Variants in SVEP1 observed in about 807,000 individuals in gnomAD.
SVEP1 encodes the protein sushi, von Willebrand factor type A, EGF and pentraxin domain-containing protein 1.
Under a neutral mutation model 367.3 loss-of-function variants are expected in SVEP1, and 164 were observed. That is an observed-to-expected ratio of 0.45 (90% CI 0.39 to 0.51). The LOEUF (loss-of-function observed/expected upper bound fraction) is 0.51, where lower values mean the gene tolerates loss of function less well. Ranked by LOEUF, SVEP1 falls within the 20% of genes least tolerant of loss-of-function variation. The pLI is 0.00. For synonymous variants in SVEP1, 1,666 were observed against 1,611.6 expected (o/e 1.03, Z -0.81); for missense variants, 4,117 against 4,425.3 (o/e 0.93, Z 1.98).
chr9:110,560,705 T>C (rs1375643147), intron 1 of SVEP1, among the ~76,000 whole-genome samples: 1 of 152,158 alleles, frequency 6.6e-6, no homozygotes, highest in East Asian at 1.9e-4. Flanking sequence ...ATATCAAATA[T>C]CTTTCAAGTC....
At chr9:110,447,302 A>C (rs183111332) in intron 24 of SVEP1, among the ~76,000 whole-genome samples, 1 of 152,368 alleles carries the variant, frequency 6.6e-6, no homozygotes, top group East Asian at 1.9e-4. Flanking sequence ...GTGAAATATA[A>C]TTCATACATT....
At chr9:110,431,696 G>C (rs1828351293) in intron 32 of SVEP1, among the ~76,000 whole-genome samples, 2 of 152,052 alleles carry the variant, frequency 1.3e-5, no homozygotes, top group Admixed American at 1.3e-4. Context: ...TGTCAGTTTT[G>C]TTTCTGAGAA....
At chr9:110,477,108 T>C (rs1342775465) in intron 13 of SVEP1, among the ~76,000 whole-genome samples, 1 of 152,174 alleles carries the variant, frequency 6.6e-6, no homozygotes, top group Non-Finnish European at 1.5e-5. Flanking sequence ...CCCTCTTCTC[T>C]CTTGTATTCC....
At chr9:110,496,232 G>C (rs1829444332) in intron 8 of SVEP1, among the ~76,000 whole-genome samples, 1 of 152,200 alleles carries the variant, frequency 6.6e-6, no homozygotes, top group African/African-American at 2.4e-5. Flanking sequence ...ACGAAGTATT[G>C]TTCCTGGGTG....
rs1828507075 is a variant in SVEP1 at position 110,441,348 on chromosome 9, C to T, written c.4639+2197G>A. Among the ~76,000 whole-genome samples the T allele has an allele frequency of 2.0e-5, 3 of 152,096 alleles. No homozygotes were observed. In the South Asian group the frequency reaches 6.2e-4, roughly 32 times the overall value. ...TCTAGTTTGTCTGTGTTTCTCTTTC[C>T]TTCCCCTCCAAATTAATCTCCCCAA... On this transcript the variant is annotated intron_variant, in intron 27 of 47. Coordinates refer to ENST00000374469, the MANE Select transcript of SVEP1 (RefSeq NM_153366.4).
intron 45 of SVEP1, 134 bp downstream of exon 45, chr9:110,377,137 C>G: frequency 1.6e-6 from 1 of 638,394 alleles, no homozygotes; most frequent in Admixed American, 2.8e-5. Flanking sequence ...CATATGTGCT[C>G]TGTTTGGTGT....
intron 40 of SVEP1, among the ~76,000 whole-genome samples, chr9:110,394,851 G>A (rs1827731489): frequency 6.6e-6 from 1 of 152,192 alleles, no homozygotes; most frequent in East Asian, 1.9e-4. Flanking sequence ...ATGGGACTAT[G>A]TGAAAAGACC....
intron 3 of SVEP1, among the ~76,000 whole-genome samples, chr9:110,535,928 C>T (rs1171651585): frequency 6.6e-6 from 1 of 152,006 alleles, no homozygotes; most frequent in African/African-American, 2.4e-5. Flanking sequence ...AGTTTGACTT[C>T]CTCTCTTCCT....
At chr9:110,436,643 C>T in intron 27 of SVEP1, 139 bp from the exon 28 acceptor site, 1 of 1,249,562 alleles carries the variant, frequency 8.0e-7, no homozygotes, top group Non-Finnish European at 1.1e-6. Flanking sequence ...TGTAAATTTA[C>T]TGCAGGTTTT....
chr9:110,495,969 T>G (rs1829439863), intron 8 of SVEP1, among the ~76,000 whole-genome samples: 1 of 152,198 alleles, frequency 6.6e-6, no homozygotes, highest in African/African-American at 2.4e-5. Flanking sequence ...TCTTTTCTTT[T>G]CTTAAAAGAT....
At chr9:110,530,836 C>T (rs1564168978) in intron 3 of SVEP1, among the ~76,000 whole-genome samples, 1 of 152,136 alleles carries the variant, frequency 6.6e-6, no homozygotes, top group Non-Finnish European at 1.5e-5. Context: ...CGTGCCCAGT[C>T]TTTATTCATA....
At position 110,481,271 on chromosome 9, in the gene SVEP1, G is replaced by A. The variant is rs1223458158; in HGVS notation, c.2336C>T (p.Thr779Ile). Residue 779 changes from threonine to isoleucine, a missense_variant, in exon 12 of 48, where the codon ACA becomes ATA. Thr to Ile is a moderately conservative substitution (Grantham distance 89). Transcript: ENST00000374469. ...ACAGTCTGGCCATTCAGTGGTATAT[G>A]TTGGTTTCCAGACGCCATCTTCATA... ...CAYEDGVWKP[T>I]YTTEWPDCAK... The A allele has an allele frequency of 6.2e-7, 1 of 1,602,604 alleles. No homozygotes were observed. Among genetic ancestry groups the A allele is most frequent in the East Asian group, 2.2e-5 (1 of 44,696 alleles).
intron 37 of SVEP1, among the ~76,000 whole-genome samples, chr9:110,409,316 G>T (rs760226180): frequency 6.6e-6 from 1 of 152,120 alleles, no homozygotes; most frequent in Non-Finnish European, 1.5e-5. Context: ...CAGCCATTTG[G>T]GAAGCTGAGG....
intron 27 of SVEP1, among the ~76,000 whole-genome samples, chr9:110,439,345 C>A (rs1408938898): frequency 6.6e-6 from 1 of 152,162 alleles, no homozygotes; most frequent in East Asian, 1.9e-4. Context: ...CTACCCTGAT[C>A]TCAGACTTCT....
At chr9:110,400,217 G>A (rs1449436592) in intron 40 of SVEP1, among the ~76,000 whole-genome samples, 5 of 152,188 alleles carry the variant, frequency 3.3e-5, no homozygotes, top group African/African-American at 7.2e-5. Context: ...CATGGTGACC[G>A]GTGGACTTCC....
rs775456417 is a variant in SVEP1 at position 110,445,997 on chromosome 9, T to C, written c.4303A>G (p.Ile1435Val). The change falls in exon 26 of 48, where the codon ATC (isoleucine) becomes GTC (valine). Residue 1435 changes from isoleucine (I) to valine (V), a missense_variant. Around this residue, in one of 4 missense-constraint regions of SVEP1, gnomAD observed 2,174 missense variants for 2,494.3 expected, o/e 0.87. Transcript: ENST00000374469. ...CCATCTAGCATGACATATCCATAGA[T>C]GCCAGAAACTTCAAAATCCAGGTTA... ...GFNLDFEVSG[I>V]YGYVMLDGML... 1.9e-6 allele frequency: 3 copies of C among 1,613,746 alleles called. No homozygotes were observed. Among genetic ancestry groups the C allele is most frequent in the Middle Eastern group, 1.7e-4 (1 of 6,060 alleles).
In SVEP1 at chr9:110,406,483, T is replaced by C. The variant is rs765692399; in HGVS notation, c.9117A>G (p.Leu3039=). The part of the protein sequence containing the change: ...RIQCFKGFKL[L]GLSEITCEAD... ...CTTCACAGGTGATTTCAGAAAGTCC[T>C]AGGAGCTTGAAGCCTTTGAAGCACT... The change falls in exon 38 of 48, where the codon CTA becomes CTG. Residue 3039 remains leucine (L), a synonymous_variant. Coordinates refer to ENST00000374469, the MANE Select transcript of SVEP1 (RefSeq NM_153366.4). 35 of 1,613,944 alleles carry C rather than the reference T, an allele frequency of 2.2e-5. No homozygotes were observed. In the East Asian group the frequency reaches 6.9e-4, roughly 32 times the overall value.
In SVEP1 at chr9:110,465,848, TC is replaced by T. The variant is rs765290851; in HGVS notation, c.3322+16del. On this transcript the variant is annotated intron_variant, in intron 18 of 47. Transcript: ENST00000374469. ...TAGTAGGTTTAAAGAAATATCAATG[TC>T]TAAGGCTTTGATAACCTCCACATGC... 1.2e-6 allele frequency: 2 copies of T among 1,609,196 alleles called. No individual in the cohort carries two copies. Among genetic ancestry groups the T allele is most frequent in the Non-Finnish European group, 1.7e-6 (2 of 1,177,346 alleles).
At chr9:110,459,759 A>G (rs1828829582) in intron 18 of SVEP1, among the ~76,000 whole-genome samples, 1 of 152,168 alleles carries the variant, frequency 6.6e-6, no homozygotes, top group African/African-American at 2.4e-5. Context: ...TTTTCACTAC[A>G]TGCTCTTCAG....
Sources: allele counts gnomAD v4.1 joint callset (sites outside exome capture counted in the v4.1 genomes callset), GRCh38; gene constraint gnomAD v4.1.1; regional missense constraint gnomAD v4.1.1; transcripts MANE v1.5; gene names NCBI Gene and HGNC (gene_info 2026-07-23, HGNC 2026-07-21).